Variants in TRPC6 observed in about 807,000 individuals in gnomAD.
TRPC6 encodes the protein short transient receptor potential channel 6.
In TRPC6, 55 loss-of-function variants were observed where a neutral mutation model predicts 90.7. The ratio of observed to expected loss-of-function variants is 0.61; its 90% CI spans 0.49 to 0.76. TRPC6 has a LOEUF of 0.76. TRPC6 is among the 30% of genes least tolerant of loss of function. The probability of loss-of-function intolerance (pLI) is 0.00; values close to 1 mark genes in which losing one functional copy is unlikely to be tolerated. For missense variants in TRPC6, 989 were observed against 1,122.7 expected (o/e 0.88, Z 1.70); for synonymous variants, 393 against 393.0 (o/e 1.00, Z 0.00).
chr11:101,476,903 G>C (rs1388446589), intron 5 of TRPC6, among the ~76,000 whole-genome samples: 8 of 152,168 alleles, frequency 5.3e-5, no homozygotes, highest in African/African-American at 1.4e-4. Flanking sequence ...CGCAGATGGA[G>C]TATTATCAAG....
intron 2 of TRPC6, among the ~76,000 whole-genome samples, chr11:101,493,483 A>G (rs1859875670): frequency 6.6e-6 from 1 of 152,150 alleles, no homozygotes; most frequent in South Asian, 2.1e-4. Flanking sequence ...GCAGCTAGTA[A>G]GCACCAAAAT....
At chr11:101,514,524 A>C (rs1860472791) in intron 1 of TRPC6, among the ~76,000 whole-genome samples, 1 of 152,122 alleles carries the variant, frequency 6.6e-6, no homozygotes, top group Admixed American at 6.5e-5. Flanking sequence ...ACCCTGAAAC[A>C]TGTTTATTAT....
chr11:101,509,270 T>C (rs6590876), intron 1 of TRPC6, among the ~76,000 whole-genome samples: 69,589 of 151,418 alleles, frequency 0.46, 16,424 homozygotes, highest in African/African-American at 0.55. Flanking sequence ...AGTTAATTTT[T>C]GTATTTTTTT....
intron 4 of TRPC6, among the ~76,000 whole-genome samples, chr11:101,486,063 T>C (rs1257429614): frequency 1.3e-5 from 2 of 148,782 alleles, no homozygotes; most frequent in Admixed American, 1.3e-4. Flanking sequence ...GGGTATTTCT[T>C]GGTTTGTTTG....
chr11:101,558,174 A>AAT (rs1245329288), intron 1 of TRPC6, among the ~76,000 whole-genome samples: 1 of 144,200 alleles, frequency 6.9e-6, no homozygotes, highest in Non-Finnish European at 1.5e-5. Flanking sequence ...CAAACACACA[A>AAT]ATATATATAA....
intron 1 of TRPC6, among the ~76,000 whole-genome samples, chr11:101,566,625 G>A (rs1861837806): frequency 2.0e-5 from 3 of 152,182 alleles, no homozygotes; most frequent in Admixed American, 2.0e-4. Flanking sequence ...CCGGTCTGCA[G>A]CTCCCAGCGA....
chr11:101,521,250 G>T (rs562585068), intron 1 of TRPC6, among the ~76,000 whole-genome samples: 1 of 152,074 alleles, frequency 6.6e-6, no homozygotes, highest in African/African-American at 2.4e-5. Context: ...GCAACCTCAG[G>T]ACACTGCTCC....
At chr11:101,482,397 A>G (rs1206850268) in intron 5 of TRPC6, among the ~76,000 whole-genome samples, 1 of 152,190 alleles carries the variant, frequency 6.6e-6, no homozygotes, top group East Asian at 1.9e-4. Context: ...CTTCTCTTCC[A>G]CTTACCACCC....
intron 2 of TRPC6, among the ~76,000 whole-genome samples, chr11:101,500,935 A>G (rs1362574996): frequency 6.6e-6 from 1 of 152,218 alleles, no homozygotes; most frequent in Non-Finnish European, 1.5e-5. Flanking sequence ...GAAGAGTTCT[A>G]TTCTTAAATG....
At chr11:101,509,177 T>C (rs554355098) in intron 1 of TRPC6, among the ~76,000 whole-genome samples, 30 of 151,744 alleles carry the variant, frequency 2.0e-4, no homozygotes, top group East Asian at 5.8e-4. Flanking sequence ...TGCCTTACTA[T>C]AGCCGCAACC....
rs758539806 is a variant in TRPC6 at position 101,492,264 on chromosome 11, C to T, written c.946-526G>A. 1.7e-4 allele frequency among the ~76,000 whole-genome samples: 26 copies of T among 152,042 alleles called. 1 individual carries two copies. Among genetic ancestry groups the T allele is most frequent in the Non-Finnish European group, 3.4e-4 (23 of 67,992 alleles). Reference sequence around the variant, plus strand: ...TCATACCCTCAAAAAGGAAATTTATCTAAAGCATAATCAAAGTTATTTAAA... The same window carrying T: ...TCATACCCTCAAAAAGGAAATTTATTTAAAGCATAATCAAAGTTATTTAAA... On this transcript the variant is annotated intron_variant, in intron 2 of 12. Transcript: ENST00000344327.
At chr11:101,575,363 C>G (rs1035492307) in intron 1 of TRPC6, among the ~76,000 whole-genome samples, 6 of 152,178 alleles carry the variant, frequency 3.9e-5, no homozygotes, top group African/African-American at 1.4e-4. Context: ...TAGTTTCACT[C>G]TTTATTGAAA....
intron 10 of TRPC6, among the ~76,000 whole-genome samples, chr11:101,455,798 TTAAA>T (rs1447784663): frequency 2.0e-5 from 3 of 152,160 alleles, no homozygotes; most frequent in Non-Finnish European, 4.4e-5. Flanking sequence ...CTTTGATACT[TTAAA>T]TAGCCACATA....
chr11:101,563,832 C>G (rs909444400), intron 1 of TRPC6, among the ~76,000 whole-genome samples: 2 of 152,158 alleles, frequency 1.3e-5, no homozygotes, highest in African/African-American at 2.4e-5. Flanking sequence ...CCGCATCTGT[C>G]TACCCAAGAA....
rs1861620082 is a variant in TRPC6 at position 101,558,290 on chromosome 11, CATGTATATGGGTATACATGTATAT to C, written c.170+25020_170+25043del. Among the ~76,000 whole-genome samples the C allele has an allele frequency of 1.6e-5, 2 of 126,000 alleles. 1 individual carries two copies. The highest frequency in any genetic ancestry group is 3.3e-5 in the Non-Finnish European group (2 of 60,784). The allele number at this position is 126,000 out of a possible 152,430, so 82.7% of individuals were successfully genotyped here. A position where few individuals can be genotyped will look rare whatever the true frequency, so the allele number is the denominator to read the frequency against. On this transcript the variant is annotated intron_variant, in intron 1 of 12. Transcript: ENST00000344327. ...ATGGGTATACATGTATATATGTATA[CATGTATATGGGTATACATGTATAT>C]ATGTATACATGTATATGGGTATACA...
chr11:101,566,677 G>T (rs1861839606), intron 1 of TRPC6, among the ~76,000 whole-genome samples: 2 of 152,132 alleles, frequency 1.3e-5, no homozygotes, highest in Admixed American at 6.5e-5. Flanking sequence ...TTCCAATGAG[G>T]TACCCACTTC....
At chr11:101,568,659 G>T (rs545283951) in intron 1 of TRPC6, among the ~76,000 whole-genome samples, 2 of 152,296 alleles carry the variant, frequency 1.3e-5, no homozygotes, top group South Asian at 4.1e-4. Flanking sequence ...GACTAACAGC[G>T]AATCTCTTGG....
intron 1 of TRPC6, among the ~76,000 whole-genome samples, chr11:101,577,121 T>A (rs1862087037): frequency 6.6e-6 from 1 of 152,138 alleles, no homozygotes; most frequent in South Asian, 2.1e-4. Flanking sequence ...ACACGTGCTT[T>A]TCCCCTGGAA....
intron 1 of TRPC6, among the ~76,000 whole-genome samples, chr11:101,521,427 T>A (rs1317274129): frequency 3.9e-5 from 6 of 152,202 alleles, no homozygotes; most frequent in Non-Finnish European, 8.8e-5. Flanking sequence ...TTGTCTAGAT[T>A]TCAGAGGATG....
Sources: allele counts gnomAD v4.1 joint callset (sites outside exome capture counted in the v4.1 genomes callset), GRCh38; gene constraint gnomAD v4.1.1; transcripts MANE v1.5; gene names NCBI Gene and HGNC (gene_info 2026-07-23, HGNC 2026-07-21).